Variants in SERINC5 observed in about 807,000 individuals in gnomAD.
SERINC5 encodes the protein chromosome 5 open reading frame 12.
SERINC5 carries 41 observed loss-of-function variants against 63.1 expected under a neutral mutation model. The observed-to-expected ratio is 0.65, with a 90% CI of 0.51 to 0.84. The LOEUF is 0.84. Ranked by LOEUF, SERINC5 falls within the 40% of genes least tolerant of loss-of-function variation. The pLI, the probability that SERINC5 is intolerant of heterozygous loss-of-function variation, is 0.00. For missense variants in SERINC5, 523 were observed against 573.0 expected (o/e 0.91, Z 0.89); for synonymous variants, 222 against 215.2 (o/e 1.03, Z -0.28).
At position 80,203,037 on chromosome 5, in the gene SERINC5, C is replaced by A. The variant is rs749814669; in HGVS notation, c.44G>T (p.Gly15Val). 1 of 1,609,408 alleles carries A rather than the reference C, an allele frequency of 6.2e-7. No individual in the cohort carries two copies. Among genetic ancestry groups the A allele is most frequent in the Non-Finnish European group, 8.5e-7 (1 of 1,177,632 alleles). The part of the protein sequence containing the change: ...CCAGQLACCC[G>V]SAGCSLCCDC... ...ACAGCAGAGAGAGCAGCCTGCAGAC[C>A]CACAGCAGCAGGCCAGCTAGAAAAG... The change falls in exon 2 of 12, where the codon GGG (glycine) becomes GTG (valine). Residue 15 changes from glycine (G) to valine (V), a missense_variant. Transcript: ENST00000507668.
intron 2 of SERINC5, among the ~76,000 whole-genome samples, chr5:80,184,218 C>T (rs1315281415): frequency 1.3e-5 from 2 of 152,180 alleles, no homozygotes; most frequent in Non-Finnish European, 2.9e-5. Flanking sequence ...TGCTCTAAAA[C>T]ATTCCCTAAA....
chr5:80,160,463 C>A (rs567931876), intron 7 of SERINC5, among the ~76,000 whole-genome samples: 1 of 152,176 alleles, frequency 6.6e-6, no homozygotes. Flanking sequence ...ACTTTACAAA[C>A]GTGCATATTT....
chr5:80,191,311 T>C (rs1479236677), intron 2 of SERINC5, among the ~76,000 whole-genome samples: 1 of 151,962 alleles, frequency 6.6e-6, no homozygotes, highest in Admixed American at 6.6e-5. Context: ...ACTTTCCAAC[T>C]AAATTTGTAA....
At chr5:80,182,313 C>T (rs1390478118) in intron 2 of SERINC5, among the ~76,000 whole-genome samples, 3 of 152,148 alleles carry the variant, frequency 2.0e-5, no homozygotes, top group African/African-American at 4.8e-5. Flanking sequence ...GTATTTCAAG[C>T]TCGTTATTCT....
At chr5:80,247,115 A>G (rs1295845714) in intron 1 of SERINC5, among the ~76,000 whole-genome samples, 1 of 152,236 alleles carries the variant, frequency 6.6e-6, no homozygotes, top group Admixed American at 6.5e-5. Flanking sequence ...AATTACATCC[A>G]ATGGCTAGTT....
At chr5:80,182,345 T>C (rs1196461145) in intron 2 of SERINC5, among the ~76,000 whole-genome samples, 1 of 152,146 alleles carries the variant, frequency 6.6e-6, no homozygotes, top group Non-Finnish European at 1.5e-5. Flanking sequence ...GACACAGGAG[T>C]AGCTCTGCAA....
At chr5:80,114,534 AC>A (rs1744256821) in intron 11 of SERINC5, 3 of 191,202 alleles carry the variant, frequency 1.6e-5, no homozygotes, top group African/African-American at 2.4e-5. Flanking sequence ...CATGCCTGTA[AC>A]CCCAGCTACT....
chr5:80,253,812 G>A (rs1231752648), intron 1 of SERINC5, among the ~76,000 whole-genome samples: 4 of 152,212 alleles, frequency 2.6e-5, no homozygotes, highest in Non-Finnish European at 4.4e-5. Context: ...AGGCCATTGA[G>A]AGCAGAGATG....
At chr5:80,249,037 G>A (rs144010758) in intron 1 of SERINC5, among the ~76,000 whole-genome samples, 159 of 152,238 alleles carry the variant, frequency 1.0e-3, no homozygotes, top group African/African-American at 2.8e-3. Flanking sequence ...CCATCAGGCC[G>A]GGTACGGTGG....
chr5:80,185,420 A>G lies in SERINC5; in HGVS notation c.196-7356T>C, dbSNP rs538113008. Among the ~76,000 whole-genome samples the G allele has an allele frequency of 2.0e-5, 3 of 152,272 alleles. No individual in the cohort carries two copies. In the East Asian group the frequency reaches 5.8e-4, roughly 29 times the overall value. ...TTGCCTGAGAATTACATCAGATAAC[A>G]CCTGTGAAGTGCTTACCACGGTTCC... On this transcript the variant is annotated intron_variant, in intron 2 of 11. Transcript: ENST00000507668.
At chr5:80,138,495 T>C (rs994410132), downstream of SERINC5, among the ~76,000 whole-genome samples, 4 of 151,800 alleles carry the variant, frequency 2.6e-5, no homozygotes, top group Admixed American at 6.6e-5. Flanking sequence ...ACTCGGGAGG[T>C]TGAGGCAAGA....
chr5:80,141,292 G>C lies in SERINC5; in HGVS notation c.*2371C>G, dbSNP rs1745490195. The C allele has an allele frequency of 2.0e-6, 2 of 985,478 alleles. No homozygotes were observed. Among genetic ancestry groups the C allele is most frequent in the African/African-American group, 3.5e-5 (2 of 57,362 alleles). The allele number at this position is 985,478 out of a possible 1,614,324, so 61.0% of individuals were successfully genotyped here. ...GTCACAAACCAGACTCACGCATCTG[G>C]AAAACGTTGTGTGGCTGGGCTGGCT... On this transcript the variant is annotated 3_prime_UTR_variant, in exon 12 of 12. Coordinates refer to ENST00000507668, the MANE Select transcript of SERINC5 (RefSeq NM_001174072.3).
intron 1 of SERINC5, among the ~76,000 whole-genome samples, chr5:80,234,005 T>C (rs1324245561): frequency 6.6e-6 from 1 of 151,814 alleles, no homozygotes; most frequent in Non-Finnish European, 1.5e-5. Flanking sequence ...AGAGACAGGG[T>C]TTCACCATAT....
chr5:80,251,208 G>A (rs1392075832), intron 1 of SERINC5, among the ~76,000 whole-genome samples: 1 of 152,126 alleles, frequency 6.6e-6, no homozygotes, highest in Non-Finnish European at 1.5e-5. Context: ...GACCCCAGGA[G>A]TTGGAGGCTG....
intron 1 of SERINC5, among the ~76,000 whole-genome samples, chr5:80,222,147 C>T (rs1223661738): frequency 6.6e-6 from 1 of 151,858 alleles, no homozygotes; most frequent in East Asian, 1.9e-4. Context: ...GACTTTGTCT[C>T]AAATAATAAT....
chr5:80,254,111 A>G (rs1287961184), intron 1 of SERINC5, among the ~76,000 whole-genome samples: 2 of 152,054 alleles, frequency 1.3e-5, no homozygotes, highest in Non-Finnish European at 2.9e-5. Flanking sequence ...TTTAGTAGAG[A>G]TGAGGTTTCT....
rs1288059816 is a variant in SERINC5, at chr5:80,139,865, T to C, written c.*3798A>G. 6.1e-6 allele frequency: 6 copies of C among 985,416 alleles called. No homozygotes were observed. The highest frequency in any genetic ancestry group is 7.2e-6 in the Non-Finnish European group (6 of 829,932). 61.0% of individuals were successfully genotyped at this position (985,416 alleles called of 1,614,324 possible). On this transcript the variant is annotated 3_prime_UTR_variant, in exon 12 of 12. Transcript: ENST00000507668. ...TCTTAGTTGTAGGTTGGGCCCTCTTTCGTTTCCAAGAGGTATAGGACACTA... is the reference window on the plus strand; with the variant it reads ...TCTTAGTTGTAGGTTGGGCCCTCTTCCGTTTCCAAGAGGTATAGGACACTA...
intron 4 of SERINC5, 93 bp from the exon 5 acceptor site, chr5:80,175,140 G>C: frequency 1.4e-6 from 1 of 735,352 alleles, no homozygotes; most frequent in Non-Finnish European, 2.3e-6. Flanking sequence ...TAGATGATCA[G>C]TGTACCTAAC....
At chr5:80,112,499 G>A (rs979442274) in intron 12 of SERINC5, among the ~76,000 whole-genome samples, 5 of 152,100 alleles carry the variant, frequency 3.3e-5, no homozygotes, top group South Asian at 2.1e-4. Flanking sequence ...CTCAGAGACC[G>A]GTGCTGGTGC....
Sources: gnomAD v4.1 joint callset for allele counts (sites outside exome capture counted in the v4.1 genomes callset) on GRCh38, gnomAD v4.1.1 for gene constraint, MANE v1.5 for transcripts, NCBI Gene and HGNC (gene_info 2026-07-23, HGNC 2026-07-21) for gene names.